Variants in PIK3R1 observed in about 807,000 individuals in gnomAD.
PIK3R1 encodes the protein phosphatidylinositol 3-kinase regulatory subunit alpha.
Under a neutral mutation model 98.0 loss-of-function variants are expected in PIK3R1, and 29 were observed. That is an observed-to-expected ratio of 0.30 (90% confidence interval 0.22 to 0.40). The LOEUF (loss-of-function observed/expected upper bound fraction) is 0.40. Ranked by LOEUF, PIK3R1 falls within the 10% of genes least tolerant of loss-of-function variation. The pLI, the probability that PIK3R1 is intolerant of heterozygous loss-of-function variation, is 1.00. For synonymous variants in PIK3R1, 282 were observed against 311.8 expected, an observed-to-expected ratio of 0.90 and a Z score of 1.01; for missense variants, 596 against 872.7, an observed-to-expected ratio of 0.68 and a Z score of 3.99.
At chr5:68,249,882 C>G (rs914354459) in intron 2 of PIK3R1, among the ~76,000 whole-genome samples, 1 of 152,038 alleles carries the variant, frequency 6.6e-6, no homozygotes, top group Non-Finnish European at 1.5e-5. Context: ...GGATGAATAC[C>G]CATCTGGGAA....
chr5:68,216,717 AG>A (rs1222581133), intron 1 of PIK3R1, among the ~76,000 whole-genome samples: 1 of 112,194 alleles, frequency 8.9e-6, no homozygotes, highest in African/African-American at 4.0e-5. Flanking sequence ...GGGGAGAGCC[AG>A]GGAGCCTGCA....
At chr5:68,261,543 A>C (rs2112107294) in intron 2 of PIK3R1, among the ~76,000 whole-genome samples, 1 of 151,954 alleles carries the variant, frequency 6.6e-6, no homozygotes, top group South Asian at 2.1e-4. Context: ...TGTATTGAAA[A>C]CCCCTTTCTA....
chr5:68,291,606 A>G (rs831125), intron 7 of PIK3R1: 13,236 of 152,264 alleles, frequency 0.087, 707 homozygotes, highest in Non-Finnish European at 0.12. Context: ...GAAGGGGGAT[A>G]TCATTTTTAA....
intron 4 of PIK3R1, 101 bp from the exon 5 acceptor site, chr5:68,279,501 T>A: frequency 2.5e-6 from 2 of 814,652 alleles, no homozygotes; most frequent in South Asian, 1.9e-5. Context: ...CCTTATTTTT[T>A]TTTTTTTTTG....
chr5:68,225,376 A>G (rs1486002868), intron 1 of PIK3R1, among the ~76,000 whole-genome samples: 1 of 152,094 alleles, frequency 6.6e-6, no homozygotes, highest in Non-Finnish European at 1.5e-5. Flanking sequence ...ATCAGCCACT[A>G]GCACACTTGC....
chr5:68,281,481 G>A (rs1746834555), intron 7 of PIK3R1, among the ~76,000 whole-genome samples: 1 of 152,190 alleles, frequency 6.6e-6, no homozygotes, highest in African/African-American at 2.4e-5. Flanking sequence ...GTTCCCTGCA[G>A]CAAGTTCGAG....
At chr5:68,270,346 C>A (rs1470086753) in intron 2 of PIK3R1, among the ~76,000 whole-genome samples, 1 of 152,128 alleles carries the variant, frequency 6.6e-6, no homozygotes, top group East Asian at 1.9e-4. Context: ...TTGTATGGAG[C>A]ATTTGCCAGC....
At chr5:68,239,112 T>C (rs1306912065) in intron 2 of PIK3R1, among the ~76,000 whole-genome samples, 1 of 152,192 alleles carries the variant, frequency 6.6e-6, no homozygotes, top group African/African-American at 2.4e-5. Context: ...AAGCAGGAGC[T>C]CAGGAAAGAT....
At chr5:68,282,853 G>A (rs189476015) in intron 7 of PIK3R1, among the ~76,000 whole-genome samples, 4 of 152,172 alleles carry the variant, frequency 2.6e-5, no homozygotes, top group Non-Finnish European at 4.4e-5. Context: ...AATCCAAGTC[G>A]GTTTTAAACT....
intron 6 of PIK3R1, 33 bp from the exon 7 acceptor site, chr5:68,280,894 G>A: frequency 6.8e-7 from 1 of 1,475,448 alleles, no homozygotes; most frequent in Non-Finnish European, 9.3e-7. Context: ...TGCTTTTAGG[G>A]AAAAGGTTTC....
chr5:68,231,609 A>G (rs539837841), intron 2 of PIK3R1, among the ~76,000 whole-genome samples: 1 of 152,326 alleles, frequency 6.6e-6, no homozygotes, highest in African/African-American at 2.4e-5. Context: ...GGTCACAGAA[A>G]ATAGTGACCT....
At chr5:68,251,633 C>G (rs1745310838) in intron 2 of PIK3R1, among the ~76,000 whole-genome samples, 1 of 152,052 alleles carries the variant, frequency 6.6e-6, no homozygotes. Flanking sequence ...CCACTGATTT[C>G]TGATGGTAGC....
Position 68,301,366 on chromosome 5 carries a change from A to T in PIK3R1, c.*3765A>T, listed in dbSNP as rs375365645. On this transcript the variant is annotated 3_prime_UTR_variant, in exon 16 of 16. Coordinates refer to ENST00000521381, the MANE Select transcript of PIK3R1 (RefSeq NM_181523.3). Reference sequence around the variant, plus strand: ...GCTATATATATATATATATATATATATGTGTGTGTGTGTGTGTGTGTGTGT... The same window carrying T: ...GCTATATATATATATATATATATATTTGTGTGTGTGTGTGTGTGTGTGTGT... 1 of 63,316 alleles carries T rather than the reference A, an allele frequency of 1.6e-5. No individual in the cohort carries two copies. Among genetic ancestry groups the T allele is most frequent in the Non-Finnish European group, 2.7e-5 (1 of 36,760 alleles). 3.9% of individuals were successfully genotyped at this position (63,316 alleles called of 1,614,324 possible). A position where few individuals can be genotyped will look rare whatever the true frequency, so the allele number is the denominator to read the frequency against.
chr5:68,242,481 C>A (rs1744907131), intron 2 of PIK3R1, among the ~76,000 whole-genome samples: 1 of 152,182 alleles, frequency 6.6e-6, no homozygotes. Flanking sequence ...TGAGGCAAGG[C>A]AGTAAGCCCC....
In PIK3R1 at chr5:68,244,921, C is replaced by G. The variant is rs1006804847; in HGVS notation, c.334+17912C>G. 1.3e-5 allele frequency among the ~76,000 whole-genome samples: 2 copies of G among 152,138 alleles called. 1 individual carries two copies. The highest frequency in any genetic ancestry group is 4.1e-4 in the South Asian group (2 of 4,830). On this transcript the variant is annotated intron_variant, in intron 2 of 15. Transcript: ENST00000521381. The stretch of plus-strand genomic sequence containing the variant: ...AAGTAGCATGCAGTTTTATCAACCT[C>G]TCTGCATCCCCTTGGCACAAGGAAT...
In PIK3R1 at chr5:68,300,793, T is replaced by C. The variant is rs1033522483; in HGVS notation, c.*3192T>C. ...CCTTTGAGGTTGCTTTGTTTTGTCT[T>C]ACAAAGGTGAAAATTGTTTGTAAGT... On this transcript the variant is annotated 3_prime_UTR_variant, in exon 16 of 16. Coordinates refer to ENST00000521381, the MANE Select transcript of PIK3R1 (RefSeq NM_181523.3). 2.1e-5 allele frequency: 5 copies of C among 233,170 alleles called. No individual in the cohort carries two copies. Among genetic ancestry groups the C allele is most frequent in the Non-Finnish European group, 4.2e-5 (5 of 118,054 alleles). The allele number at this position is 233,170 out of a possible 1,614,324, so 14.4% of individuals were successfully genotyped here.
At chr5:68,232,795 G>C (rs531716772) in intron 2 of PIK3R1, among the ~76,000 whole-genome samples, 1 of 152,110 alleles carries the variant, frequency 6.6e-6, no homozygotes, top group African/African-American at 2.4e-5. Context: ...ATGGGAAAAG[G>C]GTCCAGTGTC....
intron 2 of PIK3R1, among the ~76,000 whole-genome samples, chr5:68,254,087 C>T (rs1436750088): frequency 1.3e-5 from 2 of 150,700 alleles, no homozygotes; most frequent in Non-Finnish European, 2.9e-5. Context: ...TGAGTCTGCA[C>T]ACTCGAATGT....
At chr5:68,285,538 A>G (rs2112213303) in intron 7 of PIK3R1, among the ~76,000 whole-genome samples, 1 of 152,350 alleles carries the variant, frequency 6.6e-6, no homozygotes, top group South Asian at 2.1e-4. Flanking sequence ...GGCAAGCCAC[A>G]CTAGGTTTTG....
Sources: gnomAD v4.1 joint callset for allele counts (sites outside exome capture counted in the v4.1 genomes callset) on GRCh38, gnomAD v4.1.1 for gene constraint, MANE v1.5 for transcripts, NCBI Gene and HGNC (gene_info 2026-07-23, HGNC 2026-07-21) for gene names.